The following GRM8 variants were observed in gnomAD, a reference collection of about 807,000 sequenced individuals.
GRM8 encodes metabotropic glutamate receptor 8.
In GRM8, 47 loss-of-function variants were observed where a neutral mutation model predicts 87.2. The ratio of observed to expected loss-of-function variants is 0.54; its 90% CI spans 0.43 to 0.69. The LOEUF (loss-of-function observed/expected upper bound fraction) is 0.69. Ranked by LOEUF, GRM8 falls within the 30% of genes least tolerant of loss-of-function variation. GRM8 has a pLI of 0.00. For synonymous variants in GRM8, 396 were observed against 404.5 expected, an observed-to-expected ratio of 0.98 and a Z score of 0.25; for missense variants, 1,019 against 1,139.2, an observed-to-expected ratio of 0.89 and a Z score of 1.52.
At chr7:127,027,455 T>A (rs944160809) in intron 3 of GRM8, among the ~76,000 whole-genome samples, 2 of 152,202 alleles carry the variant, frequency 1.3e-5, no homozygotes, top group East Asian at 3.9e-4. Flanking sequence ...TATTAATTCT[T>A]CCTATCCATG....
intron 9 of GRM8, among the ~76,000 whole-genome samples, chr7:126,494,061 T>C (rs555533232): frequency 6.6e-6 from 1 of 152,078 alleles, no homozygotes; most frequent in South Asian, 2.1e-4. Flanking sequence ...CATGGGGTAT[T>C]AGGAAGCCAG....
At chr7:126,724,021 C>T (rs1467685569) in intron 7 of GRM8, among the ~76,000 whole-genome samples, 1 of 152,112 alleles carries the variant, frequency 6.6e-6, no homozygotes, top group Non-Finnish European at 1.5e-5. Context: ...AGAGGGCATA[C>T]ATTTTTAAAC....
At chr7:126,544,024 C>G (rs911192267) in intron 8 of GRM8, among the ~76,000 whole-genome samples, 5 of 152,130 alleles carry the variant, frequency 3.3e-5, no homozygotes, top group Non-Finnish European at 7.4e-5. Flanking sequence ...TGTGAAGTCT[C>G]TCTTATCTAC....
chr7:126,928,482 G>A (rs1410187394), intron 3 of GRM8, among the ~76,000 whole-genome samples: 2 of 151,910 alleles, frequency 1.3e-5, no homozygotes, highest in Admixed American at 1.3e-4. Context: ...GACCAGCCTG[G>A]GCAACGTGAT....
At chr7:127,223,474 C>G (rs977410550) in intron 2 of GRM8, among the ~76,000 whole-genome samples, 5 of 121,680 alleles carry the variant, frequency 4.1e-5, no homozygotes, top group African/African-American at 1.7e-4. Flanking sequence ...CACACACACA[C>G]ACACACACAC....
At chr7:127,241,435 T>TC (rs1197680282) in intron 2 of GRM8, among the ~76,000 whole-genome samples, 2 of 141,212 alleles carry the variant, frequency 1.4e-5, no homozygotes. Flanking sequence ...CCTTTTTTTT[T>TC]TCTTTTTTTT....
At chr7:126,483,906 G>C (rs1461367836) in intron 9 of GRM8, among the ~76,000 whole-genome samples, 1 of 151,600 alleles carries the variant, frequency 6.6e-6, no homozygotes, top group Admixed American at 6.6e-5. Flanking sequence ...ATCTGGTCTA[G>C]AGTGTAAATA....
At chr7:126,603,476 T>G (rs1213088032) in intron 8 of GRM8, among the ~76,000 whole-genome samples, 1 of 151,554 alleles carries the variant, frequency 6.6e-6, no homozygotes, top group African/African-American at 2.4e-5. Context: ...TGATTGTATA[T>G]CTAGAAAACC....
At chr7:126,627,293 G>A (rs1419685342) in intron 7 of GRM8, among the ~76,000 whole-genome samples, 1 of 152,222 alleles carries the variant, frequency 6.6e-6, no homozygotes, top group East Asian at 1.9e-4. Context: ...GGAAGGTGAT[G>A]TTATTGGCAA....
intron 9 of GRM8, among the ~76,000 whole-genome samples, chr7:126,471,132 T>G (rs1469055657): frequency 1.3e-5 from 2 of 151,886 alleles, no homozygotes; most frequent in Non-Finnish European, 3.0e-5. Context: ...TTCTCCCATT[T>G]TGTGGGTTGC....
intron 7 of GRM8, among the ~76,000 whole-genome samples, chr7:126,615,913 C>T (rs1334272810): frequency 1.3e-5 from 2 of 152,134 alleles, no homozygotes; most frequent in Non-Finnish European, 2.9e-5. Context: ...TAGACTCCCA[C>T]ACAATAATAA....
intron 6 of GRM8, among the ~76,000 whole-genome samples, chr7:126,884,218 C>G (rs1800278741): frequency 6.6e-6 from 1 of 152,002 alleles, no homozygotes. Flanking sequence ...AGGAACATCT[C>G]CTTAAAAGAT....
chr7:127,002,153 C>T (rs1813793284), intron 3 of GRM8, among the ~76,000 whole-genome samples: 1 of 151,506 alleles, frequency 6.6e-6, no homozygotes, highest in Admixed American at 6.6e-5. Flanking sequence ...CAAAACTCAT[C>T]AAACTAGAAT....
intron 2 of GRM8, among the ~76,000 whole-genome samples, chr7:127,107,392 A>G (rs1463472053): frequency 6.6e-6 from 1 of 152,108 alleles, no homozygotes; most frequent in Non-Finnish European, 1.5e-5. Flanking sequence ...AGAAGAGACT[A>G]TTTTTCTTTT....
At chr7:127,016,731 A>G (rs1437375053) in intron 3 of GRM8, among the ~76,000 whole-genome samples, 1 of 152,126 alleles carries the variant, frequency 6.6e-6, no homozygotes, top group Non-Finnish European at 1.5e-5. Flanking sequence ...CTGAAATACT[A>G]TGTAAGTCAC....
intron 8 of GRM8, among the ~76,000 whole-genome samples, chr7:126,568,792 TA>T (rs1055560988): frequency 6.6e-6 from 1 of 152,156 alleles, no homozygotes; most frequent in African/African-American, 2.4e-5. Flanking sequence ...AGGGTGCTGC[TA>T]GAGCCTATTT....
At chr7:126,932,413 C>T (rs188769606) in intron 3 of GRM8, among the ~76,000 whole-genome samples, 1 of 151,792 alleles carries the variant, frequency 6.6e-6, no homozygotes, top group East Asian at 1.9e-4. Context: ...TGGCACTACA[C>T]AAAAAAAATC....
intron 7 of GRM8, among the ~76,000 whole-genome samples, chr7:126,715,289 C>T (rs998160889): frequency 5.3e-5 from 8 of 152,186 alleles, no homozygotes; most frequent in African/African-American, 1.9e-4. Context: ...ACTCACAACA[C>T]TTGAGCTCAC....
chr7:127,114,197 C>T (rs1434140348), intron 2 of GRM8, among the ~76,000 whole-genome samples: 1 of 152,168 alleles, frequency 6.6e-6, no homozygotes, highest in Non-Finnish European at 1.5e-5. Context: ...AATTCAGTCT[C>T]TGACCTTTTC....
Sources: gnomAD v4.1 joint callset for allele counts (sites outside exome capture counted in the v4.1 genomes callset) on GRCh38, gnomAD v4.1.1 for gene constraint, MANE v1.5 for transcripts, NCBI Gene and HGNC (gene_info 2026-07-23, HGNC 2026-07-21) for gene names.